The following TTC23 variants were observed in gnomAD, a reference collection of about 807,000 sequenced individuals.
TTC23 encodes the protein tetratricopeptide repeat domain 23.
A neutral mutation model predicts 55.1 loss-of-function variants in TTC23; 58 were observed. The ratio of observed to expected loss-of-function variants is 1.05; its 90% CI spans 0.85 to 1.31. The LOEUF (loss-of-function observed/expected upper bound fraction) is 1.31, where lower values mean the gene tolerates loss of function less well. Among genes scored for constraint, TTC23 ranks in the 50% most tolerant of loss-of-function variants. TTC23 has a pLI of 0.00. For missense variants in TTC23, 516 were observed against 534.4 expected (o/e 0.97, Z 0.34); for synonymous variants, 203 against 199.9 (o/e 1.02, Z -0.13).
intron 3 of TTC23, among the ~76,000 whole-genome samples, chr15:99,236,413 A>T (rs996739217): frequency 6.6e-6 from 1 of 150,990 alleles, no homozygotes; most frequent in African/African-American, 2.4e-5. Flanking sequence ...TCATGTACTT[A>T]TTGGCCATCT....
chr15:99,184,664 G>C (rs2074493899), intron 9 of TTC23, among the ~76,000 whole-genome samples: 1 of 152,178 alleles, frequency 6.6e-6, no homozygotes, highest in South Asian at 2.1e-4. Flanking sequence ...CTCATAGGTG[G>C]AGGGGACTTG....
intron 10 of TTC23, among the ~76,000 whole-genome samples, chr15:99,163,112 C>T (rs908634837): frequency 7.9e-6 from 1 of 126,828 alleles, no homozygotes; most frequent in African/African-American, 2.9e-5. Flanking sequence ...CAAACAAAAA[C>T]AACAACAACA....
chr15:99,138,423 C>T (rs183524567), intron 13 of TTC23, among the ~76,000 whole-genome samples: 2 of 152,232 alleles, frequency 1.3e-5, no homozygotes, highest in East Asian at 1.9e-4. Flanking sequence ...AAGCAACTCT[C>T]ATGCCTCAGT....
At chr15:99,210,422 A>G (rs184299999) in intron 8 of TTC23, among the ~76,000 whole-genome samples, 1 of 152,306 alleles carries the variant, frequency 6.6e-6, no homozygotes, top group East Asian at 1.9e-4. Context: ...CCACAGAAAT[A>G]TAGGATTAGG....
At chr15:99,153,168 T>C (rs2070070972) in intron 12 of TTC23, among the ~76,000 whole-genome samples, 1 of 152,250 alleles carries the variant, frequency 6.6e-6, no homozygotes, top group Admixed American at 6.5e-5. Flanking sequence ...TCAGCTTCCG[T>C]CTCACCTCTC....
intron 12 of TTC23, among the ~76,000 whole-genome samples, chr15:99,143,219 C>G (rs781902228): frequency 6.6e-6 from 1 of 152,226 alleles, no homozygotes; most frequent in African/African-American, 2.4e-5. Flanking sequence ...CCATTATGGA[C>G]TTCTACTAGA....
chr15:99,138,888 C>T (rs565440580), intron 13 of TTC23, among the ~76,000 whole-genome samples: 10 of 152,320 alleles, frequency 6.6e-5, no homozygotes, highest in Non-Finnish European at 1.3e-4. Flanking sequence ...CACGGCAGAG[C>T]GCTGGGCCTC....
At chr15:99,207,556 T>C (rs1001365225) in intron 8 of TTC23, among the ~76,000 whole-genome samples, 2 of 152,074 alleles carry the variant, frequency 1.3e-5, no homozygotes, top group Non-Finnish European at 2.9e-5. Flanking sequence ...GGTCAGGAGT[T>C]CAAGACCAGC....
chr15:99,194,430 G>A (rs900496819), intron 9 of TTC23, among the ~76,000 whole-genome samples: 2 of 151,632 alleles, frequency 1.3e-5, no homozygotes, highest in Non-Finnish European at 2.9e-5. Context: ...ACAGAATAGA[G>A]AGCCCAGAAA....
At chr15:99,205,474 TTA>T (rs1236675953) in intron 8 of TTC23, among the ~76,000 whole-genome samples, 2 of 152,190 alleles carry the variant, frequency 1.3e-5, no homozygotes, top group African/African-American at 4.8e-5. Context: ...CATCAATGTT[TTA>T]TAGTTTTCAT....
intron 2 of TTC23, among the ~76,000 whole-genome samples, chr15:99,242,064 G>A (rs2079851637): frequency 6.6e-6 from 1 of 151,510 alleles, no homozygotes; most frequent in Admixed American, 6.6e-5. Flanking sequence ...CCCAGGAGGC[G>A]GAGGCTACAG....
chr15:99,224,370 T>C (rs1474702699), intron 5 of TTC23, among the ~76,000 whole-genome samples: 1 of 152,278 alleles, frequency 6.6e-6, no homozygotes, highest in African/African-American at 2.4e-5. Flanking sequence ...TATCTTTATA[T>C]ATTTTTTCTT....
At chr15:99,145,387 G>GA (rs1195448289) in intron 12 of TTC23, 3 of 152,146 alleles carry the variant, frequency 2.0e-5, no homozygotes, top group African/African-American at 7.2e-5. Flanking sequence ...AGCTACAAAA[G>GA]AAAAAAGAAG....
chr15:99,219,124 G>A, intron 6 of TTC23, 76 bp from the exon 7 acceptor site: 1 of 1,522,848 alleles, frequency 6.6e-7, no homozygotes, highest in South Asian at 1.2e-5. Context: ...TATGGTCTGG[G>A]AATCTAACAA....
Position 99,136,956 on chromosome 15 carries a change from CCCAGGGTGGTTTTGATGTCCCA to C in TTC23, c.*1032_*1053del. The C allele has an allele frequency of 2.0e-5, 3 of 152,318 alleles. No individual in the cohort carries two copies. The South Asian group carries it at 6.2e-4, about 32-fold the overall frequency. 9.4% of individuals were successfully genotyped at this position (152,318 alleles called of 1,614,324 possible). The stretch of plus-strand genomic sequence containing the variant: ...GGAGGTGGTGCCCTGCACAAATGGC[CCCAGGGTGGTTTTGATGTCCCA>C]CTGGGGGCTGGAGGGGAGGGCCCTG... On this transcript the variant is annotated 3_prime_UTR_variant, in exon 14 of 14. Coordinates refer to ENST00000394132, the MANE Select transcript of TTC23 (RefSeq NM_001288615.3).
chr15:99,151,251 G>C (rs142214921), intron 12 of TTC23: 2 of 152,262 alleles, frequency 1.3e-5, no homozygotes, highest in East Asian at 3.9e-4. Context: ...TCCACCCCAG[G>C]CCACCCAGTT....
intron 3 of TTC23, among the ~76,000 whole-genome samples, chr15:99,238,921 A>G (rs2079541985): frequency 6.6e-6 from 1 of 152,108 alleles, no homozygotes; most frequent in Non-Finnish European, 1.5e-5. Flanking sequence ...TTTCTTGAGC[A>G]CCTATTAAAT....
chr15:99,198,827 C>CT (rs1254010496), intron 9 of TTC23, among the ~76,000 whole-genome samples: 1 of 152,188 alleles, frequency 6.6e-6, no homozygotes, highest in Non-Finnish European at 1.5e-5. Context: ...ATGAAGTACT[C>CT]TCAGGACCTT....
chr15:99,212,260 ATGTG>A (rs35709919), intron 8 of TTC23, among the ~76,000 whole-genome samples: 3,296 of 146,514 alleles, frequency 0.022, 103 homozygotes, highest in African/African-American at 0.067. Context: ...TTAAAGAGGG[ATGTG>A]TGTGTGTGTG....
Sources: allele counts gnomAD v4.1 joint callset (sites outside exome capture counted in the v4.1 genomes callset), GRCh38; gene constraint gnomAD v4.1.1; transcripts MANE v1.5; gene names NCBI Gene and HGNC (gene_info 2026-07-23, HGNC 2026-07-21).